The following ZMAT4 variants were observed in gnomAD, a reference collection of about 807,000 sequenced individuals.
ZMAT4 encodes the protein zinc finger matrin-type 4, also known as zinc finger matrin-type protein 4.
Under a neutral mutation model 28.7 loss-of-function variants are expected in ZMAT4, and 17 were observed. The ratio of observed to expected loss-of-function variants is 0.59; its 90% CI spans 0.41 to 0.89. ZMAT4 has a LOEUF of 0.89. ZMAT4 is among the 40% of genes least tolerant of loss of function. ZMAT4 has a pLI of 0.00. For synonymous variants in ZMAT4, 117 were observed against 109.2 expected (o/e 1.07, Z -0.44); for missense variants, 240 against 283.8 (o/e 0.85, Z 1.11).
intron 3 of ZMAT4, among the ~76,000 whole-genome samples, chr8:40,724,243 T>A (rs999199582): frequency 1.3e-5 from 2 of 151,908 alleles, no homozygotes; most frequent in African/African-American, 4.8e-5. Flanking sequence ...GGTAATAAAA[T>A]CCAAAATTGG....
rs1809626530 is a variant in ZMAT4, at chr8:40,690,795, T to C, written c.349+6450A>G. On this transcript the variant is annotated intron_variant, in intron 4 of 6. Transcript: ENST00000297737. ...GAAATTTATGTAAAAGTTCTGAAGC[T>C]CTGTCTCTCTAATTTTCAACAGGAA... The C allele has an allele frequency of 5.0e-6, 3 of 604,572 alleles. No homozygotes were observed. The South Asian group carries it at 2.2e-4, about 44-fold the overall frequency. The allele number at this position is 604,572 out of a possible 1,614,324, so 37.5% of individuals were successfully genotyped here. A position where few individuals can be genotyped will look rare whatever the true frequency, so the allele number is the denominator to read the frequency against.
chr8:40,796,407 G>A (rs560955045), intron 2 of ZMAT4, among the ~76,000 whole-genome samples: 1 of 152,302 alleles, frequency 6.6e-6, no homozygotes, highest in East Asian at 1.9e-4. Flanking sequence ...TCATGTCAGG[G>A]TGCTTCTTTT....
intron 6 of ZMAT4, among the ~76,000 whole-genome samples, chr8:40,550,998 G>A (rs1803353231): frequency 1.3e-5 from 2 of 152,008 alleles, no homozygotes; most frequent in Non-Finnish European, 2.9e-5. Flanking sequence ...ACATTTTCAT[G>A]TCCCTACTAT....
intron 6 of ZMAT4, among the ~76,000 whole-genome samples, chr8:40,569,422 T>C (rs1269621108): frequency 6.6e-6 from 1 of 152,150 alleles, no homozygotes; most frequent in East Asian, 1.9e-4. Context: ...AGTTTACAAA[T>C]GGACATATTT....
At chr8:40,827,133 T>A (rs1816088849) in intron 1 of ZMAT4, among the ~76,000 whole-genome samples, 1 of 152,180 alleles carries the variant, frequency 6.6e-6, no homozygotes, top group Non-Finnish European at 1.5e-5. Flanking sequence ...ATGATTCCAA[T>A]TTCCACAAGC....
chr8:40,601,458 G>A (rs5017469), intron 5 of ZMAT4, among the ~76,000 whole-genome samples: 1,190 of 27,764 alleles, frequency 0.043, 51 homozygotes, highest in Middle Eastern at 0.17. Context: ...GGAAGGAAGG[G>A]AGGAAGAAAG....
At chr8:40,798,433 G>A (rs544548070) in intron 2 of ZMAT4, among the ~76,000 whole-genome samples, 6 of 152,236 alleles carry the variant, frequency 3.9e-5, no homozygotes, top group Admixed American at 2.0e-4. Flanking sequence ...TTCAAGCCCC[G>A]CTTGTAGGTT....
intron 4 of ZMAT4, chr8:40,690,759 T>C (rs988779627): frequency 7.1e-6 from 2 of 281,324 alleles, no homozygotes; most frequent in Non-Finnish European, 5.4e-6. Flanking sequence ...AGCAATTCTG[T>C]GTCTGGCATG....
chr8:40,884,422 T>A (rs1818385193), intron 1 of ZMAT4: 1 of 129,680 alleles, frequency 7.7e-6, no homozygotes, highest in Non-Finnish European at 1.8e-5. Context: ...GAGTTGACAT[T>A]TCATTTTTTT....
intron 5 of ZMAT4, among the ~76,000 whole-genome samples, chr8:40,621,637 C>T (rs1806201695): frequency 6.6e-6 from 1 of 152,214 alleles, no homozygotes; most frequent in South Asian, 2.1e-4. Context: ...ACGGCACTGA[C>T]TCCTGAGACC....
chr8:40,585,147 T>A (rs956758314), intron 5 of ZMAT4, among the ~76,000 whole-genome samples: 1 of 152,192 alleles, frequency 6.6e-6, no homozygotes, highest in Non-Finnish European at 1.5e-5. Flanking sequence ...GTTTTTGTTT[T>A]TGTTTCAATC....
intron 3 of ZMAT4, among the ~76,000 whole-genome samples, chr8:40,755,397 G>T (rs1319378419): frequency 1.3e-5 from 2 of 152,132 alleles, no homozygotes; most frequent in Non-Finnish European, 2.9e-5. Context: ...CATGTAAAGG[G>T]ATGTGTGTGG....
At chr8:40,856,867 G>C (rs1377295939) in intron 1 of ZMAT4, among the ~76,000 whole-genome samples, 1 of 152,178 alleles carries the variant, frequency 6.6e-6, no homozygotes, top group Non-Finnish European at 1.5e-5. Flanking sequence ...GAGCCCCGTG[G>C]ATGAACCCCA....
rs141968169 is a variant in ZMAT4 at position 40,831,400 on chromosome 8, G to A, written c.-4-5720C>T. On this transcript the variant is annotated intron_variant, in intron 1 of 6. Transcript: ENST00000297737. ...ACCTGCTTCCCAGGGGGATGCAAAGGGAGAAGCATGTCATTCAAAATATGG... is the reference window on the plus strand; with the variant it reads ...ACCTGCTTCCCAGGGGGATGCAAAGAGAGAAGCATGTCATTCAAAATATGG... Among the ~76,000 whole-genome samples, 868 of 152,296 alleles carry A rather than the reference G, an allele frequency of 5.7e-3. 10 individuals carry two copies. The highest frequency in any genetic ancestry group is 0.019 in the African/African-American group (806 of 41,562).
rs28513403 is a variant in ZMAT4 at position 40,769,178 on chromosome 8, A to G, written c.103-1448T>C. ...AAATGTGTAAAAGTACTGAAATGTG[A>G]CTTAGAAATATATTGTCAACACTTA... On this transcript the variant is annotated intron_variant, in intron 2 of 6. Coordinates refer to ENST00000297737, the MANE Select transcript of ZMAT4 (RefSeq NM_024645.3). Among the ~76,000 whole-genome samples the G allele has an allele frequency of 4.3e-3, 652 of 152,336 alleles. 3 individuals are homozygous for G. The highest frequency in any genetic ancestry group is 0.015 in the African/African-American group (622 of 41,572).
intron 1 of ZMAT4, among the ~76,000 whole-genome samples, chr8:40,837,281 C>T (rs1816529934): frequency 6.6e-6 from 1 of 152,204 alleles, no homozygotes. Context: ...CGTTGCAGTC[C>T]TGCTCAACTT....
intron 1 of ZMAT4, among the ~76,000 whole-genome samples, chr8:40,840,398 C>G (rs1462072458): frequency 2.0e-5 from 3 of 152,166 alleles, no homozygotes; most frequent in Non-Finnish European, 4.4e-5. Flanking sequence ...CTCCCTCTTT[C>G]CAATCCTGCT....
At chr8:40,532,719 C>T (rs1378207039) in intron 6 of ZMAT4, among the ~76,000 whole-genome samples, 1 of 151,940 alleles carries the variant, frequency 6.6e-6, no homozygotes, top group Non-Finnish European at 1.5e-5. Context: ...GTTTCTGGGC[C>T]AGGTGCAGTG....
chr8:40,684,431 C>T (rs1482502932), intron 4 of ZMAT4, among the ~76,000 whole-genome samples: 1 of 152,202 alleles, frequency 6.6e-6, no homozygotes, highest in Non-Finnish European at 1.5e-5. Context: ...ACTGCAGGTG[C>T]CGCTCTTGGA....
Sources: allele counts gnomAD v4.1 joint callset (sites outside exome capture counted in the v4.1 genomes callset), GRCh38; gene constraint gnomAD v4.1.1; transcripts MANE v1.5; gene names NCBI Gene and HGNC (gene_info 2026-07-23, HGNC 2026-07-21).